Variants in AK7 observed in about 807,000 individuals in gnomAD.
AK7 encodes adenylate kinase 7.
A neutral mutation model predicts 96.6 loss-of-function variants in AK7; 78 were observed. That is an observed-to-expected ratio of 0.81 (90% CI 0.67 to 0.97). The LOEUF is 0.97. Among genes scored for constraint, AK7 ranks in the 50% least tolerant of loss-of-function variants. The pLI is 0.00. For synonymous variants in AK7, 302 were observed against 317.2 expected, an observed-to-expected ratio of 0.95 and a Z score of 0.51; for missense variants, 855 against 887.9, an observed-to-expected ratio of 0.96 and a Z score of 0.47.
chr14:96,465,419 T>G (rs1894507318), intron 12 of AK7, among the ~76,000 whole-genome samples: 1 of 150,988 alleles, frequency 6.6e-6, no homozygotes, highest in African/African-American at 2.4e-5. Flanking sequence ...GCCAAGATCA[T>G]GCCACTGCAC....
chr14:96,408,711 G>C, intron 3 of AK7, 136 bp from the exon 4 acceptor site: 1 of 681,872 alleles, frequency 1.5e-6, no homozygotes, highest in Non-Finnish European at 2.5e-6. Flanking sequence ...AACGGTGATG[G>C]GAACAGGTCA....
chr14:96,485,890 G>A (rs971237015), intron 16 of AK7, among the ~76,000 whole-genome samples: 10 of 149,504 alleles, frequency 6.7e-5, no homozygotes, highest in African/African-American at 1.7e-4. Context: ...CCGCCTCCCC[G>A]GTTCACGCCA....
At chr14:96,466,879 T>C (rs7151536) in intron 12 of AK7, among the ~76,000 whole-genome samples, 23,509 of 152,152 alleles carry the variant, frequency 0.15, 2,493 homozygotes, top group East Asian at 0.49. Context: ...AAATGCTGGC[T>C]TGATTTATGG....
intron 5 of AK7, among the ~76,000 whole-genome samples, chr14:96,435,237 C>G (rs559498045): frequency 6.6e-6 from 1 of 152,314 alleles, no homozygotes; most frequent in South Asian, 2.1e-4. Context: ...GAAGGCTCAT[C>G]CAAGGCCCTC....
intron 5 of AK7, chr14:96,421,649 AGGCTGGAGTGCAGTGGT>A: frequency 7.0e-6 from 1 of 143,060 alleles, no homozygotes. Context: ...TCTGTCACCC[AGGCTGGAGTGCAGTGGT>A]GCGATCTTGG....
intron 13 of AK7, 145 bp downstream of exon 13, chr14:96,471,751 CTT>C: frequency 1.5e-6 from 1 of 653,294 alleles, no homozygotes; most frequent in Non-Finnish European, 2.2e-6. Flanking sequence ...CTTTACGTAG[CTT>C]TTTTTTTTCT....
intron 12 of AK7, among the ~76,000 whole-genome samples, chr14:96,460,263 A>G (rs565724211): frequency 1.3e-5 from 2 of 152,352 alleles, no homozygotes; most frequent in South Asian, 4.1e-4. Context: ...TTACACTTGG[A>G]CAGTTGAGCT....
Position 96,407,650 on chromosome 14 carries a change from C to T in AK7, c.404-1197C>T, listed in dbSNP as rs545203545. On this transcript the variant is annotated intron_variant, in intron 3 of 17. Transcript: ENST00000267584. ...AGGCTGGAGTGCAGTGGCGCAATCTCGGCTCACTGCAAGCTCCGCCTCCCG... is the reference window on the plus strand; with the variant it reads ...AGGCTGGAGTGCAGTGGCGCAATCTTGGCTCACTGCAAGCTCCGCCTCCCG... 8.2e-5 allele frequency among the ~76,000 whole-genome samples: 12 copies of T among 146,790 alleles called. No individual in the cohort carries two copies. In the East Asian group the frequency reaches 2.5e-3, roughly 30 times the overall value.
At chr14:96,463,549 C>A (rs1894383230) in intron 12 of AK7, among the ~76,000 whole-genome samples, 1 of 151,730 alleles carries the variant, frequency 6.6e-6, no homozygotes, top group Non-Finnish European at 1.5e-5. Flanking sequence ...GAAACCCCGT[C>A]TCTACTAAAA....
At chr14:96,450,000 T>A in intron 9 of AK7, 121 bp downstream of exon 9, 1 of 755,468 alleles carries the variant, frequency 1.3e-6, no homozygotes. Context: ...GGATTTGGAG[T>A]CAGAAGGCCT....
At chr14:96,426,968 G>T (rs141636502) in intron 5 of AK7, among the ~76,000 whole-genome samples, 1 of 152,176 alleles carries the variant, frequency 6.6e-6, no homozygotes. Context: ...GGTTTAGGCC[G>T]GGTGTGGTGG....
chr14:96,404,653 C>A, intron 2 of AK7, 104 bp from the exon 3 acceptor site: 1 of 575,630 alleles, frequency 1.7e-6, no homozygotes, highest in Non-Finnish European at 3.0e-6. Context: ...TCCTGTGGGA[C>A]TCCTCAGTGT....
In AK7 at chr14:96,449,805, A is replaced by G; in HGVS notation, c.874A>G (p.Ile292Val). Residue 292 changes from isoleucine (I) to valine (V), a missense_variant, in exon 9 of 18, where the codon ATC (isoleucine) becomes GTC (valine). Transcript: ENST00000267584. ...TATTTCGATTTTCCTCTAACAGTGT[A>G]TCAGTAAAAATACTGGCCCTGGGAA... ...VHTLEDIVKCISKNTGPGKIQ... is the reference protein window; with the variant it reads ...VHTLEDIVKCVSKNTGPGKIQ... The G allele has an allele frequency of 1.9e-6, 3 of 1,607,972 alleles. No homozygotes were observed. The highest frequency in any genetic ancestry group is 2.6e-6 in the Non-Finnish European group (3 of 1,175,852).
intron 12 of AK7, 147 bp from the exon 13 acceptor site, chr14:96,471,330 CT>C (rs1894870799): frequency 1.6e-4 from 59 of 357,688 alleles, no homozygotes; most frequent in Non-Finnish European, 1.7e-4. Flanking sequence ...GACCCCGTCT[CT>C]TTAAAAAAAA....
chr14:96,441,235 T>C (rs150452686), intron 6 of AK7, among the ~76,000 whole-genome samples: 2,877 of 152,294 alleles, frequency 0.019, 98 homozygotes, highest in African/African-American at 0.065. Context: ...CCTTGTCCTG[T>C]ACCTGTGAAG....
intron 13 of AK7, among the ~76,000 whole-genome samples, chr14:96,471,859 G>A (rs1052390859): frequency 6.6e-6 from 1 of 151,136 alleles, no homozygotes; most frequent in Non-Finnish European, 1.5e-5. Context: ...TACTTAACAC[G>A]AGATCTGCCC....
intron 5 of AK7, among the ~76,000 whole-genome samples, chr14:96,434,095 C>T (rs1009243723): frequency 2.6e-5 from 4 of 152,110 alleles, no homozygotes; most frequent in Non-Finnish European, 4.4e-5. Flanking sequence ...CATGCTTTCC[C>T]GGTTGGTGTT....
chr14:96,467,600 A>C (rs1894643605), intron 12 of AK7, among the ~76,000 whole-genome samples: 1 of 152,116 alleles, frequency 6.6e-6, no homozygotes, highest in African/African-American at 2.4e-5. Context: ...TCGGCCTCCC[A>C]AAGTGCTAGG....
In AK7 at chr14:96,489,035, T is replaced by C. The variant is rs781714224; in HGVS notation, c.*692T>C. On this transcript the variant is annotated 3_prime_UTR_variant, in exon 18 of 18. Coordinates refer to ENST00000267584, the MANE Select transcript of AK7 (RefSeq NM_152327.5). ...ACATAGGCATAAGTTATCAATCCTA[T>C]AGTCTTTTCCAGTTCTAAAAATCCC... is the stretch of plus-strand genomic sequence containing the variant. 6.6e-5 allele frequency: 10 copies of C among 152,176 alleles called. No homozygotes were observed. Among genetic ancestry groups the C allele is most frequent in the Non-Finnish European group, 1.5e-4 (10 of 68,026 alleles). The allele number at this position is 152,176 out of a possible 1,614,324, so 9.4% of individuals were successfully genotyped here.
Sources: allele counts gnomAD v4.1 joint callset (sites outside exome capture counted in the v4.1 genomes callset), GRCh38; gene constraint gnomAD v4.1.1; transcripts MANE v1.5; gene names NCBI Gene and HGNC (gene_info 2026-07-23, HGNC 2026-07-21).